Variants in MAD1L1 observed in about 807,000 individuals in gnomAD.
MAD1L1 encodes the protein mitotic spindle assembly checkpoint protein MAD1.
MAD1L1 carries 95 observed loss-of-function variants against 96.9 expected under a neutral mutation model. The ratio of observed to expected loss-of-function variants is 0.98; its 90% CI spans 0.83 to 1.16. The LOEUF is 1.16. Among genes scored for constraint, MAD1L1 ranks in the 50% most tolerant of loss-of-function variants. The pLI is 0.00. For synonymous variants in MAD1L1, 473 were observed against 396.6 expected (o/e 1.19, Z -2.29); for missense variants, 1,007 against 954.4 (o/e 1.06, Z -0.73).
chr7:2,018,897 T>G (rs2128500220), intron 12 of MAD1L1, among the ~76,000 whole-genome samples: 1 of 151,832 alleles, frequency 6.6e-6, no homozygotes, highest in Middle Eastern at 3.4e-3. Flanking sequence ...CGACATTCTC[T>G]GCAGGGCCTC....
chr7:1,917,571 TG>T (rs1788490564), intron 17 of MAD1L1, among the ~76,000 whole-genome samples: 1 of 152,304 alleles, frequency 6.6e-6, no homozygotes, highest in South Asian at 2.1e-4. Context: ...AATGCAACTG[TG>T]AAGAAATCCC....
chr7:1,897,297 T>G (rs976636162), intron 18 of MAD1L1, among the ~76,000 whole-genome samples: 1 of 149,172 alleles, frequency 6.7e-6, no homozygotes, highest in African/African-American at 2.5e-5. Context: ...GGCTGCAGAC[T>G]GCAGGCAGTT....
chr7:1,878,821 A>G (rs1583634677), intron 18 of MAD1L1, among the ~76,000 whole-genome samples: 1 of 151,096 alleles, frequency 6.6e-6, no homozygotes, highest in East Asian at 2.0e-4. Context: ...ATAAAAGTTG[A>G]AAAGGAAGAC....
At chr7:2,201,417 C>G (rs1792291107) in intron 10 of MAD1L1, among the ~76,000 whole-genome samples, 1 of 152,124 alleles carries the variant, frequency 6.6e-6, no homozygotes, top group Non-Finnish European at 1.5e-5. Context: ...CCTGGGAGCC[C>G]CTAGCCCACA....
chr7:1,852,045 A>G (rs1436889297), intron 18 of MAD1L1, among the ~76,000 whole-genome samples: 1 of 152,208 alleles, frequency 6.6e-6, no homozygotes, highest in African/African-American at 2.4e-5. Context: ...GGCAGATGTC[A>G]CAAGATTGTT....
chr7:1,839,593 G>A (rs1326463223), intron 18 of MAD1L1, among the ~76,000 whole-genome samples: 5 of 152,200 alleles, frequency 3.3e-5, no homozygotes, highest in Non-Finnish European at 5.9e-5. Context: ...GAGCATTTCC[G>A]GCTTAGTCAA....
intron 18 of MAD1L1, among the ~76,000 whole-genome samples, chr7:1,843,648 G>A (rs1490993855): frequency 6.6e-6 from 1 of 152,210 alleles, no homozygotes; most frequent in African/African-American, 2.4e-5. Context: ...TTCCTAACAC[G>A]AAGGAGTCAG....
chr7:1,945,261 C>T (rs995058889), intron 16 of MAD1L1, among the ~76,000 whole-genome samples: 2 of 152,238 alleles, frequency 1.3e-5, no homozygotes, highest in African/African-American at 2.4e-5. Flanking sequence ...AGTCCAGCTC[C>T]GCGGTGACAG....
Position 1,925,255 on chromosome 7 carries a change from C to G in MAD1L1, c.1807+11432G>C, listed in dbSNP as rs146759931. On this transcript the variant is annotated intron_variant, in intron 17 of 18. Transcript: ENST00000265854. ...CAAAGAAAGTGAATCGTAGAAAGTGCGTTCCCTCAACATAATGAAATTGAA... is the reference window on the plus strand; with the variant it reads ...CAAAGAAAGTGAATCGTAGAAAGTGGGTTCCCTCAACATAATGAAATTGAA... Among the ~76,000 whole-genome samples the G allele has an allele frequency of 6.2e-3, 944 of 152,266 alleles. 12 individuals carry two copies. The highest frequency in any genetic ancestry group is 0.022 in the African/African-American group (903 of 41,538).
chr7:2,136,672 C>T (rs540646533), intron 11 of MAD1L1, among the ~76,000 whole-genome samples: 45 of 152,328 alleles, frequency 3.0e-4, no homozygotes, highest in Non-Finnish European at 4.3e-4. Context: ...CGGTGGGGGC[C>T]CTTCCCATCT....
intron 4 of MAD1L1, among the ~76,000 whole-genome samples, chr7:2,224,276 T>TA (rs1346794523): frequency 1.3e-5 from 2 of 152,234 alleles, no homozygotes; most frequent in Non-Finnish European, 2.9e-5. Context: ...TCTCCACCCC[T>TA]AACAAGGGAA....
intron 18 of MAD1L1, among the ~76,000 whole-genome samples, chr7:1,865,136 G>A (rs1319725503): frequency 6.6e-6 from 1 of 152,152 alleles, no homozygotes; most frequent in East Asian, 1.9e-4. Flanking sequence ...GGCCCATCCT[G>A]TCTGGGACTC....
chr7:1,856,208 A>T (rs766416440), intron 18 of MAD1L1, among the ~76,000 whole-genome samples: 9 of 152,186 alleles, frequency 5.9e-5, no homozygotes, highest in African/African-American at 9.6e-5. Context: ...GTGCCTCTGA[A>T]TAGGGACATG....
intron 18 of MAD1L1, among the ~76,000 whole-genome samples, chr7:1,843,274 T>C (rs1283698318): frequency 6.6e-6 from 1 of 152,212 alleles, no homozygotes; most frequent in Non-Finnish European, 1.5e-5. Flanking sequence ...TTACAGGTTC[T>C]TCGGCAGTAA....
At chr7:2,166,914 C>T (rs1205143165) in intron 10 of MAD1L1, among the ~76,000 whole-genome samples, 3 of 152,226 alleles carry the variant, frequency 2.0e-5, no homozygotes, top group African/African-American at 7.2e-5. Flanking sequence ...CGGCGCACTC[C>T]GCTCACAAAG....
Position 2,230,001 on chromosome 7 carries a change from A to G in MAD1L1, c.133T>C (p.Tyr45His), listed in dbSNP as rs1343347664. 5 of 1,613,056 alleles carry G rather than the reference A, an allele frequency of 3.1e-6. No homozygotes were observed. The highest frequency in any genetic ancestry group is 1.3e-5 in the African/African-American group (1 of 75,048). The change falls in exon 3 of 19, where the codon TAC becomes CAC. Residue 45 changes from tyrosine (Y) to histidine (H), a missense_variant. By Grantham distance (83) the Tyr-to-His change is moderately conservative (BLOSUM62 2). Coordinates refer to ENST00000265854, the MANE Select transcript of MAD1L1 (RefSeq NM_001013836.2). ...TSAPGSLQMQ[Y>H]QQSMQLEERA... ...CCACTCACCTGCATGCTCTGCTGGT[A>G]CTGCATCTGCAGAGAACCTGGGGCC...
At chr7:2,141,558 GGCACC>G (rs1176442544) in intron 11 of MAD1L1, among the ~76,000 whole-genome samples, 1 of 152,212 alleles carries the variant, frequency 6.6e-6, no homozygotes, top group African/African-American at 2.4e-5. Context: ...GGAACAAGAA[GGCACC>G]GCATGAGGGA....
chr7:2,062,326 T>C (rs529299765), intron 12 of MAD1L1, among the ~76,000 whole-genome samples: 3 of 148,276 alleles, frequency 2.0e-5, no homozygotes, highest in African/African-American at 7.5e-5. Context: ...ATCCCAGCAC[T>C]TTGGGATTGG....
chr7:2,000,607 C>T (rs928996383), intron 14 of MAD1L1, among the ~76,000 whole-genome samples: 2 of 152,292 alleles, frequency 1.3e-5, no homozygotes, highest in East Asian at 3.9e-4. Context: ...CGGGAGAATG[C>T]GGCTCCTCCA....
Sources: gnomAD v4.1 joint callset for allele counts (sites outside exome capture counted in the v4.1 genomes callset) on GRCh38, gnomAD v4.1.1 for gene constraint, MANE v1.5 for transcripts, NCBI Gene and HGNC (gene_info 2026-07-23, HGNC 2026-07-21) for gene names.